ZNF521: variants seen among roughly 807,000 people sequenced by gnomAD.
ZNF521 encodes zinc finger protein 521.
ZNF521 carries 14 observed loss-of-function variants against 105.5 expected under a neutral mutation model. The ratio of observed to expected loss-of-function variants is 0.13; its 90% CI spans 0.09 to 0.21. The LOEUF (loss-of-function observed/expected upper bound fraction) is 0.21. Among genes scored for constraint, ZNF521 ranks in the 10% least tolerant of loss-of-function variants. ZNF521 has a pLI of 1.00. For synonymous variants in ZNF521, 635 were observed against 606.0 expected (o/e 1.05, Z -0.70); for missense variants, 1,233 against 1,629.7 (o/e 0.76, Z 4.19).
chr18:25,286,672 A>G (rs1280142863), intron 3 of ZNF521, among the ~76,000 whole-genome samples: 1 of 152,210 alleles, frequency 6.6e-6, no homozygotes, highest in African/African-American at 2.4e-5. Flanking sequence ...ATTTCTTGAA[A>G]TAGAAGCTGA....
chr18:25,288,724 T>C (rs1365161101), intron 3 of ZNF521, among the ~76,000 whole-genome samples: 1 of 152,124 alleles, frequency 6.6e-6, no homozygotes, highest in Admixed American at 6.5e-5. Flanking sequence ...ATTTCCATAA[T>C]TGCTCACTTC....
At chr18:25,159,276 T>C (rs138523549) in intron 5 of ZNF521, among the ~76,000 whole-genome samples, 1 of 152,216 alleles carries the variant, frequency 6.6e-6, no homozygotes, top group South Asian at 2.1e-4. Flanking sequence ...GTTTCTTCCA[T>C]GACAATTTTC....
intron 2 of ZNF521, among the ~76,000 whole-genome samples, chr18:25,329,148 C>T (rs186566014): frequency 1.7e-4 from 26 of 152,244 alleles, no homozygotes; most frequent in Admixed American, 1.2e-3. Context: ...AATTTGCTGC[C>T]GCTTCCCAAC....
intron 4 of ZNF521, among the ~76,000 whole-genome samples, chr18:25,204,400 T>C (rs1330036420): frequency 5.3e-5 from 8 of 152,102 alleles, no homozygotes; most frequent in Non-Finnish European, 1.2e-4. Context: ...CAGGAAATAA[T>C]TGAGTGGAGT....
intron 5 of ZNF521, among the ~76,000 whole-genome samples, chr18:25,127,963 A>G (rs1037286674): frequency 9.2e-5 from 14 of 152,054 alleles, no homozygotes; most frequent in Non-Finnish European, 1.3e-4. Flanking sequence ...ACATTTCCCA[A>G]CTCATTCTAT....
At position 25,092,086 on chromosome 18, in the gene ZNF521, C is replaced by A; in HGVS notation, c.3659-5G>T. On this transcript the variant is annotated splice_polypyrimidine_tract_variant and splice_region_variant and intron_variant, in intron 5 of 7. Transcript: ENST00000361524. The stretch of plus-strand genomic sequence containing the variant: ...ATTCATGGTTCAGTCCTTCATCTGT[C>A]AAGGAAAACACATGAAGAGAAATGA... The A allele has an allele frequency of 6.2e-7, 1 of 1,613,556 alleles. No individual in the cohort carries two copies. The highest frequency in any genetic ancestry group is 1.1e-5 in the South Asian group (1 of 90,980).
chr18:25,286,732 AG>A (rs1910727739), intron 3 of ZNF521, among the ~76,000 whole-genome samples: 2 of 152,274 alleles, frequency 1.3e-5, no homozygotes, highest in African/African-American at 4.8e-5. Context: ...CGGGATTTGA[AG>A]GTCTGGAAAG....
intron 7 of ZNF521, among the ~76,000 whole-genome samples, chr18:25,066,208 G>A (rs1448025304): frequency 6.6e-6 from 1 of 152,140 alleles, no homozygotes; most frequent in African/African-American, 2.4e-5. Flanking sequence ...AGGCCTGGCT[G>A]TCCACCATTG....
intron 3 of ZNF521, among the ~76,000 whole-genome samples, chr18:25,249,142 A>T (rs1907929731): frequency 1.3e-5 from 2 of 150,220 alleles, no homozygotes; most frequent in Admixed American, 6.6e-5. Flanking sequence ...ATACCTCTTT[A>T]CTTTCTTTTT....
chr18:25,137,336 T>G (rs960445182), intron 5 of ZNF521, among the ~76,000 whole-genome samples: 2 of 152,252 alleles, frequency 1.3e-5, no homozygotes, highest in Non-Finnish European at 2.9e-5. Flanking sequence ...TGCCCCACAG[T>G]ATCACCTCGG....
chr18:25,240,848 A>G (rs1309461737), intron 3 of ZNF521, among the ~76,000 whole-genome samples: 2 of 151,354 alleles, frequency 1.3e-5, no homozygotes, highest in Non-Finnish European at 2.9e-5. Flanking sequence ...CACAAAACAA[A>G]TCTCTTTCTT....
At chr18:25,260,535 TA>T (rs1165304272) in intron 3 of ZNF521, among the ~76,000 whole-genome samples, 4 of 152,218 alleles carry the variant, frequency 2.6e-5, no homozygotes, top group Non-Finnish European at 5.9e-5. Context: ...GGATTTCTTT[TA>T]AAAATTCAAT....
intron 5 of ZNF521, among the ~76,000 whole-genome samples, chr18:25,140,348 G>A (rs576705588): frequency 6.6e-6 from 1 of 152,186 alleles, no homozygotes; most frequent in East Asian, 1.9e-4. Context: ...CAGGAACAAA[G>A]TAACAAATTA....
chr18:25,113,761 G>GACACACACACACACACACACACACAC (rs10667710), intron 5 of ZNF521, among the ~76,000 whole-genome samples: 15 of 101,710 alleles, frequency 1.5e-4, no homozygotes, highest in South Asian at 4.8e-4. Flanking sequence ...AGGACGGACG[G>GACACACACACACACACACACACACAC]ACACACACAC....
intron 5 of ZNF521, among the ~76,000 whole-genome samples, chr18:25,170,612 T>C (rs2035431529): frequency 6.6e-6 from 1 of 152,160 alleles, no homozygotes; most frequent in Admixed American, 6.5e-5. Flanking sequence ...TTGTTAACTA[T>C]CTGTAATGAC....
At chr18:25,180,609 T>C (rs1194936469) in intron 5 of ZNF521, among the ~76,000 whole-genome samples, 3 of 152,022 alleles carry the variant, frequency 2.0e-5, no homozygotes, top group Admixed American at 6.6e-5. Flanking sequence ...TTAGAAGCAA[T>C]CTTTTCATAA....
At chr18:25,088,674 T>G (rs1017215555) in intron 7 of ZNF521, among the ~76,000 whole-genome samples, 1 of 152,164 alleles carries the variant, frequency 6.6e-6, no homozygotes, top group Non-Finnish European at 1.5e-5. Context: ...TAAATTATTT[T>G]CCTTTATAAT....
intron 5 of ZNF521, among the ~76,000 whole-genome samples, chr18:25,174,146 T>C (rs890019496): frequency 6.6e-6 from 1 of 152,218 alleles, no homozygotes; most frequent in Non-Finnish European, 1.5e-5. Flanking sequence ...CTTACTTATA[T>C]GTATACCTTT....
intron 7 of ZNF521, 44 bp from the exon 8 acceptor site, chr18:25,062,785 A>C: frequency 7.3e-7 from 1 of 1,376,954 alleles, no homozygotes; most frequent in Non-Finnish European, 9.6e-7. Flanking sequence ...AAAAAAAAAA[A>C]GAGAAGAGAG....
Sources: gnomAD v4.1 joint callset for allele counts (sites outside exome capture counted in the v4.1 genomes callset) on GRCh38, gnomAD v4.1.1 for gene constraint, MANE v1.5 for transcripts, NCBI Gene and HGNC (gene_info 2026-07-23, HGNC 2026-07-21) for gene names.